Variants in AGBL4 observed in about 807,000 individuals in gnomAD.
AGBL4 encodes AGBL carboxypeptidase 4.
In AGBL4, 58 loss-of-function variants were observed where a neutral mutation model predicts 66.4. That is an observed-to-expected ratio of 0.87 (90% CI 0.71 to 1.09). The LOEUF (loss-of-function observed/expected upper bound fraction) is 1.09. Ranked by LOEUF, AGBL4 falls within the 50% of genes least tolerant of loss-of-function variation. The probability of loss-of-function intolerance (pLI) is 0.00; values close to 1 mark genes in which losing one functional copy is unlikely to be tolerated. For missense variants in AGBL4, 579 were observed against 631.0 expected (o/e 0.92, Z 0.88); for synonymous variants, 234 against 222.9 (o/e 1.05, Z -0.44).
intron 4 of AGBL4, among the ~76,000 whole-genome samples, chr1:49,192,842 C>T (rs1647148087): frequency 6.6e-6 from 1 of 152,166 alleles, no homozygotes; most frequent in African/African-American, 2.4e-5. Context: ...GGTAACACCA[C>T]AACCCAGAGT....
At chr1:49,272,405 A>G (rs749400324) in intron 3 of AGBL4, among the ~76,000 whole-genome samples, 1 of 152,196 alleles carries the variant, frequency 6.6e-6, no homozygotes, top group Non-Finnish European at 1.5e-5. Flanking sequence ...AAAAACAAAG[A>G]CTAAATTAAA....
chr1:48,534,198 T>C lies in AGBL4; in HGVS notation c.1487A>G (p.His496Arg). Reference protein sequence around the residue: ...SKGDKKSSVNHKDPSTPF With the variant: ...SKGDKKSSVNRKDPSTPF ...TTAAAAAGGGGTTGAAGGGTCTTTG[T>C]GGTTCACTGAGCTCTTCTTGTCCCC... is the stretch of plus-strand genomic sequence containing the variant. The change falls in exon 14 of 14, where the codon CAC becomes CGC. Residue 496 changes from histidine to arginine, a missense_variant. Physicochemically the swap from His to Arg is conservative, Grantham distance 29 (BLOSUM62 0). Coordinates refer to ENST00000371839, the MANE Select transcript of AGBL4 (RefSeq NM_032785.4). 6.4e-7 allele frequency: 1 copy of C among 1,551,622 alleles called. No homozygotes were observed. Among genetic ancestry groups the C allele is most frequent in the Non-Finnish European group, 8.7e-7 (1 of 1,146,928 alleles).
intron 2 of AGBL4, among the ~76,000 whole-genome samples, chr1:49,810,700 T>C (rs765894269): frequency 4.2e-4 from 64 of 152,248 alleles, no homozygotes; most frequent in Non-Finnish European, 5.0e-4. Context: ...AATAGAAAGA[T>C]AGGTTAAGTT....
chr1:49,668,140 AATT>A (rs1374949604), intron 3 of AGBL4, among the ~76,000 whole-genome samples: 13 of 152,208 alleles, frequency 8.5e-5, no homozygotes, highest in African/African-American at 2.7e-4. Flanking sequence ...AAGGTCACCC[AATT>A]ATTATAGGAA....
At chr1:49,767,365 G>A (rs946610750) in intron 2 of AGBL4, among the ~76,000 whole-genome samples, 8 of 151,774 alleles carry the variant, frequency 5.3e-5, no homozygotes, top group Admixed American at 5.3e-4. Flanking sequence ...ACCTTAGGGC[G>A]AACAATGAAA....
chr1:49,027,201 C>G (rs746463104), intron 5 of AGBL4, among the ~76,000 whole-genome samples: 2 of 152,028 alleles, frequency 1.3e-5, no homozygotes, highest in Non-Finnish European at 2.9e-5. Context: ...ACTCTTGTTG[C>G]CCATGCTGGA....
At chr1:49,827,971 G>A (rs1029207731) in intron 2 of AGBL4, among the ~76,000 whole-genome samples, 5 of 152,132 alleles carry the variant, frequency 3.3e-5, no homozygotes, top group African/African-American at 1.2e-4. Flanking sequence ...CTAACAAAGA[G>A]TAAGTACTCA....
chr1:49,465,206 TACATACACACACACACACACACAC>T (rs1646601588), intron 3 of AGBL4, among the ~76,000 whole-genome samples: 1 of 69,018 alleles, frequency 1.4e-5, no homozygotes, highest in Non-Finnish European at 3.0e-5. Context: ...ACCCTACCCC[TACATACACACACACACACACACAC>T]ACACACACAC....
intron 3 of AGBL4, among the ~76,000 whole-genome samples, chr1:49,270,611 C>T (rs2148385281): frequency 6.6e-6 from 1 of 152,226 alleles, no homozygotes; most frequent in East Asian, 1.9e-4. Context: ...CTTTTGCCTA[C>T]TCCTGGGAGT....
At chr1:49,390,961 C>A (rs1196180919) in intron 3 of AGBL4, among the ~76,000 whole-genome samples, 1 of 151,950 alleles carries the variant, frequency 6.6e-6, no homozygotes, top group African/African-American at 2.4e-5. Flanking sequence ...CACCAGGCTG[C>A]GGTGTGAGGG....
chr1:48,698,354 G>A (rs995844906), intron 6 of AGBL4, among the ~76,000 whole-genome samples: 4 of 152,154 alleles, frequency 2.6e-5, no homozygotes, highest in Non-Finnish European at 5.9e-5. Context: ...AGGTCACTAC[G>A]GTACAGTGGG....
intron 3 of AGBL4, among the ~76,000 whole-genome samples, chr1:49,590,086 A>C (rs1437315675): frequency 1.3e-5 from 2 of 152,100 alleles, no homozygotes; most frequent in Non-Finnish European, 1.5e-5. Flanking sequence ...GAAATGTATT[A>C]AGATATATAT....
chr1:49,816,152 ATT>A (rs1645225742), intron 2 of AGBL4, among the ~76,000 whole-genome samples: 1 of 152,088 alleles, frequency 6.6e-6, no homozygotes, highest in East Asian at 1.9e-4. Context: ...CTCCTGAGTC[ATT>A]GAGATTACCT....
At chr1:49,725,899 A>G (rs1359498655) in intron 2 of AGBL4, among the ~76,000 whole-genome samples, 6 of 152,104 alleles carry the variant, frequency 3.9e-5, no homozygotes, top group Admixed American at 6.6e-5. Flanking sequence ...TTGCTGAATA[A>G]TAAGCCACAT....
At chr1:49,022,331 T>A (rs908444105) in intron 5 of AGBL4, among the ~76,000 whole-genome samples, 1 of 150,958 alleles carries the variant, frequency 6.6e-6, no homozygotes, top group South Asian at 2.1e-4. Context: ...AAGGTAGAAT[T>A]CTTAGGTTCC....
At chr1:50,019,300 T>TCA (rs1321424494) in intron 1 of AGBL4, among the ~76,000 whole-genome samples, 76 of 72,122 alleles carry the variant, frequency 1.1e-3, no homozygotes, top group African/African-American at 2.0e-3. Context: ...TCTCTCTCTC[T>TCA]CTCTCTCACA....
At chr1:49,432,424 C>A (rs1470187814) in intron 3 of AGBL4, among the ~76,000 whole-genome samples, 2 of 152,146 alleles carry the variant, frequency 1.3e-5, no homozygotes, top group African/African-American at 2.4e-5. Flanking sequence ...TCCTCTGCAT[C>A]TTGTTATTGG....
At chr1:49,216,086 AC>A (rs1329525116) in intron 4 of AGBL4, among the ~76,000 whole-genome samples, 1 of 152,016 alleles carries the variant, frequency 6.6e-6, no homozygotes, top group Admixed American at 6.6e-5. Context: ...ATCATATCTA[AC>A]TCTGAGAACC....
At chr1:49,220,295 C>CA (rs1649399043) in intron 4 of AGBL4, among the ~76,000 whole-genome samples, 1 of 152,128 alleles carries the variant, frequency 6.6e-6, no homozygotes, top group South Asian at 2.1e-4. Context: ...AATTGTTCCC[C>CA]TGTTCAGGTT....
Sources: gnomAD v4.1 joint callset for allele counts (sites outside exome capture counted in the v4.1 genomes callset) on GRCh38, gnomAD v4.1.1 for gene constraint, MANE v1.5 for transcripts, NCBI Gene and HGNC (gene_info 2026-07-23, HGNC 2026-07-21) for gene names.